The following FAM120B variants were observed in gnomAD, a reference collection of about 807,000 sequenced individuals.
FAM120B encodes family with sequence similarity 120 member B.
In FAM120B, 83 loss-of-function variants were observed where a neutral mutation model predicts 96.3. The observed-to-expected ratio is 0.86, with a 90% CI of 0.72 to 1.03. FAM120B has a LOEUF of 1.03. Among genes scored for constraint, FAM120B ranks in the 50% least tolerant of loss-of-function variants. FAM120B has a pLI of 0.00. For missense variants in FAM120B, 1,027 were observed against 1,121.2 expected (o/e 0.92, Z 1.20); for synonymous variants, 407 against 402.7 (o/e 1.01, Z -0.13).
intron 4 of FAM120B, among the ~76,000 whole-genome samples, chr6:170,337,723 C>G (rs562697887): frequency 1.3e-5 from 2 of 151,144 alleles, no homozygotes; most frequent in Non-Finnish European, 3.0e-5. Context: ...ATTATTGGTC[C>G]GTTCAGGGAT....
In FAM120B at chr6:170,318,461, A is replaced by G; in HGVS notation, c.1071A>G (p.Thr357=). ...CCAGGCAAGAAGTTCCCATGTGTACAGGCCCTGAATCCAGGCGAGAAGTTC... is the reference window on the plus strand; with the variant it reads ...CCAGGCAAGAAGTTCCCATGTGTACGGGCCCTGAATCCAGGCGAGAAGTTC... ...AESRQEVPMC[T]GPESRREVPV... is the part of the protein sequence containing the mutation. The change falls in exon 2 of 11, where the codon ACA becomes ACG. Residue 357 remains threonine, a synonymous_variant. Coordinates refer to ENST00000476287, the MANE Select transcript of FAM120B (RefSeq NM_032448.3). 2.5e-6 allele frequency: 4 copies of G among 1,594,308 alleles called. No homozygotes were observed. The highest frequency in any genetic ancestry group is 3.4e-6 in the Non-Finnish European group (4 of 1,167,752).
At chr6:170,365,724 C>G (rs1014293964) in intron 6 of FAM120B, among the ~76,000 whole-genome samples, 1 of 151,038 alleles carries the variant, frequency 6.6e-6, no homozygotes, top group South Asian at 2.1e-4. Flanking sequence ...TCCCCCCCCT[C>G]CCCCCTGCCA....
chr6:170,325,899 G>C (rs1018368051), intron 3 of FAM120B, among the ~76,000 whole-genome samples: 1 of 150,582 alleles, frequency 6.6e-6, no homozygotes, highest in Non-Finnish European at 1.5e-5. Flanking sequence ...TTAGATTGGT[G>C]CAAAAATAAT....
rs1364824195 is a variant in FAM120B, at chr6:170,295,920, G to T, written c.48+467G>T. ...TGTGCTGATTTGCATGAGAACGGGCGGGTCGCGTGGCTCAGCTGGCGGCCC... is the reference window on the plus strand; with the variant it reads ...TGTGCTGATTTGCATGAGAACGGGCTGGTCGCGTGGCTCAGCTGGCGGCCC... On this transcript the variant is annotated intron_variant, in intron 1 of 10. Coordinates refer to the FAM120B transcript ENST00000537664. This position sits in a 1 kb window ranked among gnomAD's most constrained non-coding sequence, Gnocchi z 7.8. Among the ~76,000 whole-genome samples, 1 of 152,002 alleles carries T rather than the reference G, an allele frequency of 6.6e-6. No homozygotes were observed. The highest frequency in any genetic ancestry group is 2.4e-5 in the African/African-American group (1 of 41,416).
chr6:170,334,385 T>G (rs1786274153), intron 4 of FAM120B, among the ~76,000 whole-genome samples: 2 of 152,258 alleles, frequency 1.3e-5, no homozygotes, highest in Admixed American at 1.3e-4. Context: ...GGACCATGTA[T>G]TTGATTCAAT....
intron 6 of FAM120B, among the ~76,000 whole-genome samples, chr6:170,366,125 C>T (rs894713012): frequency 6.6e-6 from 1 of 152,196 alleles, no homozygotes; most frequent in Non-Finnish European, 1.5e-5. Flanking sequence ...GTTGCACATC[C>T]AGACTCTCAA....
chr6:170,307,916 G>A (rs1225023174), intron 1 of FAM120B, among the ~76,000 whole-genome samples: 1 of 152,224 alleles, frequency 6.6e-6, no homozygotes, highest in Non-Finnish European at 1.5e-5. Context: ...AGAGGGAAAA[G>A]CCCAGAATGG....
intron 6 of FAM120B, among the ~76,000 whole-genome samples, chr6:170,365,915 G>T (rs894518365): frequency 6.6e-6 from 1 of 152,196 alleles, no homozygotes; most frequent in Non-Finnish European, 1.5e-5. Context: ...GGGGTGGTCT[G>T]TGACAGGCTC....
intron 1 of FAM120B, chr6:170,298,139 A>G (rs1784060551): frequency 6.6e-6 from 1 of 152,204 alleles, no homozygotes; most frequent in Admixed American, 6.5e-5. Context: ...TAAACAAACC[A>G]AGCTCTTTCT....
chr6:170,402,747 C>T (rs1459245409), intron 9 of FAM120B, among the ~76,000 whole-genome samples: 1 of 152,160 alleles, frequency 6.6e-6, no homozygotes, highest in African/African-American at 2.4e-5. Context: ...ATTTGGAACT[C>T]GAAGGAATGT....
chr6:170,318,526 T>A lies in FAM120B; in HGVS notation c.1136T>A (p.Met379Lys), dbSNP rs6905356. Residue 379 changes from methionine (M) to lysine (K), a missense_variant, in exon 2 of 11, where the codon ATG becomes AAG. Physicochemically the swap from Met to Lys is moderately conservative, Grantham distance 95 (BLOSUM62 -1). Around this residue, in one of 3 missense-constraint regions of FAM120B, gnomAD observed 880 missense variants for 980.9 expected, o/e 0.90. Transcript: ENST00000476287. ...TCTGAACCCAGGCAAGAAGTTCCCA[T>A]GTGTTCAGACCCTGAACCCAGGCAA... ...TDSEPRQEVPMCSDPEPRQEV... is the reference protein window; with the variant it reads ...TDSEPRQEVPKCSDPEPRQEV... 1.3e-6 allele frequency: 2 copies of A among 1,494,504 alleles called. No individual in the cohort carries two copies. The highest frequency in any genetic ancestry group is 1.8e-6 in the Non-Finnish European group (2 of 1,105,124). The allele number at this position is 1,494,504 out of a possible 1,614,324, so 92.6% of individuals were successfully genotyped here. A position where few individuals can be genotyped will look rare whatever the true frequency, so the allele number is the denominator to read the frequency against.
chr6:170,335,260 G>A (rs577335169), intron 4 of FAM120B, among the ~76,000 whole-genome samples: 3 of 150,706 alleles, frequency 2.0e-5, no homozygotes, highest in East Asian at 3.9e-4. Flanking sequence ...CCCTGTGTCC[G>A]TGTGCTCTCA....
chr6:170,337,063 A>G (rs1373805605), intron 4 of FAM120B, among the ~76,000 whole-genome samples: 1 of 152,190 alleles, frequency 6.6e-6, no homozygotes, highest in Non-Finnish European at 1.5e-5. Context: ...AGAACTTCCA[A>G]TACTGTGTTG....
upstream of FAM120B, chr6:170,290,986 G>A: frequency 2.8e-6 from 2 of 701,770 alleles, no homozygotes; most frequent in East Asian, 2.7e-5. The surrounding 1 kb of genome is among the most constrained non-coding windows in gnomAD (Gnocchi z 4.7). Context: ...TGGCTAATGA[G>A]ATGCAAATCA....
chr6:170,343,701 C>T (rs189663353), intron 4 of FAM120B, among the ~76,000 whole-genome samples: 4 of 152,152 alleles, frequency 2.6e-5, no homozygotes, highest in East Asian at 1.9e-4. Flanking sequence ...ATTGCTGGGC[C>T]CTACCCCTAG....
intron 6 of FAM120B, among the ~76,000 whole-genome samples, chr6:170,378,915 A>G (rs890027563): frequency 7.2e-5 from 11 of 152,172 alleles, no homozygotes; most frequent in Non-Finnish European, 1.5e-4. Context: ...AGAGCGTGCT[A>G]AGTAGATGGC....
chr6:170,294,375 G>A (rs142571556), upstream of FAM120B, among the ~76,000 whole-genome samples: 3,283 of 152,306 alleles, frequency 0.022, 167 homozygotes, highest in Admixed American at 0.12. This position sits in a 1 kb window ranked among gnomAD's most constrained non-coding sequence, Gnocchi z 7.9. Context: ...CCTGGTGGTG[G>A]TGTTTTTTGT....
chr6:170,357,531 T>C (rs1788030075), intron 5 of FAM120B, among the ~76,000 whole-genome samples: 1 of 152,210 alleles, frequency 6.6e-6, no homozygotes, highest in South Asian at 2.1e-4. Flanking sequence ...GGGTCTCATA[T>C]TGTGGGTTCT....
intron 1 of FAM120B, among the ~76,000 whole-genome samples, chr6:170,312,269 TTAATA>T (rs1784639421): frequency 2.6e-5 from 4 of 152,220 alleles, no homozygotes; most frequent in Admixed American, 2.6e-4. Context: ...TTTTTACAAA[TTAATA>T]TATTTCCCAA....
Sources: allele counts gnomAD v4.1 joint callset (sites outside exome capture counted in the v4.1 genomes callset), GRCh38; gene constraint gnomAD v4.1.1; regional missense constraint gnomAD v4.1.1; non-coding constraint Gnocchi (gnomAD v3.1); transcripts MANE v1.5; gene names NCBI Gene and HGNC (gene_info 2026-07-23, HGNC 2026-07-21).